GMEB1: variants seen among roughly 807,000 people sequenced by gnomAD.
The protein encoded by GMEB1 is glucocorticoid modulatory element binding protein 1.
GMEB1 carries 6 observed loss-of-function variants against 52.4 expected under a neutral mutation model. The ratio of observed to expected loss-of-function variants is 0.11; its 90% CI spans 0.06 to 0.23. The LOEUF is 0.23. Ranked by LOEUF, GMEB1 falls within the 10% of genes least tolerant of loss-of-function variation. The pLI, the probability that GMEB1 is intolerant of heterozygous loss-of-function variation, is 1.00. For synonymous variants in GMEB1, 255 were observed against 244.9 expected (o/e 1.04, Z -0.38); for missense variants, 486 against 685.6 (o/e 0.71, Z 3.25).
rs1671219480 is a variant in GMEB1, at chr1:28,714,857, A to C, written c.*84A>C. On this transcript the variant is annotated 3_prime_UTR_variant, in exon 10 of 10. Coordinates refer to ENST00000373816, the MANE Select transcript of GMEB1 (RefSeq NM_001319674.2). ...TTTTATCATTGTCCCACTCATTTCC[A>C]CATAGGACCCTTTTTTAAAAAAAAA... 4 of 913,952 alleles carry C rather than the reference A, an allele frequency of 4.4e-6. No homozygotes were observed. Among genetic ancestry groups the C allele is most frequent in the Admixed American group, 5.3e-5 (2 of 38,062 alleles). The allele number at this position is 913,952 out of a possible 1,614,324, so 56.6% of individuals were successfully genotyped here. A position where few individuals can be genotyped will look rare whatever the true frequency, so the allele number is the denominator to read the frequency against.
At chr1:28,683,879 A>G in intron 2 of GMEB1, 139 bp downstream of exon 2, 1 of 717,728 alleles carries the variant, frequency 1.4e-6, no homozygotes, top group Non-Finnish European at 2.3e-6. Flanking sequence ...TGTATAATAT[A>G]CTGTATTGCG....
intron 3 of GMEB1, 36 bp downstream of exon 3, chr1:28,690,222 T>TTG (rs1669896612): frequency 9.9e-7 from 1 of 1,010,090 alleles, no homozygotes; most frequent in African/African-American, 1.7e-5. Context: ...TTTTTTTTTT[T>TTG]TTGTCATTCT....
At chr1:28,687,019 G>A (rs995677904) in intron 2 of GMEB1, among the ~76,000 whole-genome samples, 1 of 151,900 alleles carries the variant, frequency 6.6e-6, no homozygotes, top group African/African-American at 2.4e-5. Flanking sequence ...GGAAAGAAAA[G>A]CATCCTAGAG....
At chr1:28,673,961 C>T (rs751169684) in intron 1 of GMEB1, among the ~76,000 whole-genome samples, 3 of 151,864 alleles carry the variant, frequency 2.0e-5, no homozygotes, top group Non-Finnish European at 4.4e-5. Flanking sequence ...GCCTGGCCAA[C>T]ATGATGAAAC....
At position 28,683,658 on chromosome 1, in the gene GMEB1, G is replaced by A; in HGVS notation, c.46G>A (p.Val16Ile). The change falls in exon 2 of 10, where the codon GTA becomes ATA. Residue 16 changes from valine (V) to isoleucine (I), a missense_variant. Val to Ile is a conservative substitution (Grantham distance 29). Coordinates refer to ENST00000373816, the MANE Select transcript of GMEB1 (RefSeq NM_001319674.2). The stretch of plus-strand genomic sequence containing the variant: ...TGTCCCAGTGGGGGATGTGGTTGTG[G>A]TACCTACTGAAGGAAATGAAGGGGA... ...VSVPVGDVVV[V>I]PTEGNEGENP... is the part of the protein sequence containing the mutation. The A allele has an allele frequency of 6.2e-7, 1 of 1,611,530 alleles. No homozygotes were observed. The highest frequency in any genetic ancestry group is 8.5e-7 in the Non-Finnish European group (1 of 1,178,886).
chr1:28,674,544 G>T (rs1217319701), intron 1 of GMEB1, among the ~76,000 whole-genome samples: 1 of 151,478 alleles, frequency 6.6e-6, no homozygotes, highest in Non-Finnish European at 1.5e-5. Context: ...ACAGACATGG[G>T]CCACCACGCT....
rs553075579 is a variant in GMEB1 at position 28,694,905 on chromosome 1, G to T, written c.440+1860G>T. On this transcript the variant is annotated intron_variant, in intron 5 of 9. Coordinates refer to ENST00000373816, the MANE Select transcript of GMEB1 (RefSeq NM_001319674.2). ...TCTCGAACTCCTGACCTCTTGATCT[G>T]CCCACCTCAGCCTCCCAAAGTGTGG... 2.8e-4 allele frequency among the ~76,000 whole-genome samples: 41 copies of T among 148,278 alleles called. 1 individual carries two copies. Among genetic ancestry groups the T allele is most frequent in the Admixed American group, 8.1e-4 (12 of 14,768 alleles).
chr1:28,703,775 TAGAG>T (rs1670624696), intron 7 of GMEB1, among the ~76,000 whole-genome samples: 1 of 152,160 alleles, frequency 6.6e-6, no homozygotes, highest in Non-Finnish European at 1.5e-5. Flanking sequence ...AGTATAGGAC[TAGAG>T]AGAGTATATC....
intron 2 of GMEB1, among the ~76,000 whole-genome samples, chr1:28,684,687 A>C (rs1483348806): frequency 6.6e-6 from 1 of 152,090 alleles, no homozygotes; most frequent in African/African-American, 2.4e-5. Context: ...GGAGTTAAAC[A>C]ATGAGAACAC....
chr1:28,698,561 G>T lies in GMEB1; in HGVS notation c.598+1477G>T, dbSNP rs1209502149. Among the ~76,000 whole-genome samples the T allele has an allele frequency of 4.6e-5, 7 of 151,640 alleles. No individual in the cohort carries two copies. The East Asian group carries it at 1.4e-3, about 29-fold the overall frequency. On this transcript the variant is annotated intron_variant, in intron 6 of 9. Coordinates refer to ENST00000373816, the MANE Select transcript of GMEB1 (RefSeq NM_001319674.2). ...ATGGTGGCGGGTGCCTGTAGTCCCA[G>T]CTACTCGGGAGGCTGAAGCAGGAGA...
chr1:28,712,995 C>A (rs1336803838), intron 9 of GMEB1, among the ~76,000 whole-genome samples: 4 of 147,328 alleles, frequency 2.7e-5, no homozygotes. Context: ...TACTAAAATA[C>A]AAAAAAAAAA....
intron 8 of GMEB1, among the ~76,000 whole-genome samples, chr1:28,705,021 T>C (rs1268620202): frequency 1.4e-5 from 2 of 147,300 alleles, no homozygotes; most frequent in Non-Finnish European, 3.0e-5. Context: ...AGTTTGATGC[T>C]GCAGTGAGCT....
chr1:28,682,685 A>G (rs1442491839), intron 1 of GMEB1, among the ~76,000 whole-genome samples: 2 of 151,632 alleles, frequency 1.3e-5, no homozygotes, highest in Non-Finnish European at 2.9e-5. Context: ...TTAAGCAACT[A>G]CATGATAAAA....
intron 6 of GMEB1, among the ~76,000 whole-genome samples, chr1:28,701,171 C>T (rs1293532120): frequency 1.3e-5 from 2 of 151,514 alleles, no homozygotes; most frequent in Admixed American, 6.6e-5. Flanking sequence ...ATCTTTTGCC[C>T]GATGATTGAT....
chr1:28,687,584 T>C (rs1421597283), intron 2 of GMEB1, among the ~76,000 whole-genome samples: 1 of 151,994 alleles, frequency 6.6e-6, no homozygotes, highest in African/African-American at 2.4e-5. Flanking sequence ...GATTTGGAGC[T>C]TTATTTTAAC....
At chr1:28,687,352 ACACACACACACACACACACAC>A (rs1669696967) in intron 2 of GMEB1, among the ~76,000 whole-genome samples, 2 of 45,222 alleles carry the variant, frequency 4.4e-5, no homozygotes, top group Non-Finnish European at 9.9e-5. Context: ...ACACACACAC[ACACACACACACACACACACAC>A]ACACACACAC....
intron 6 of GMEB1, among the ~76,000 whole-genome samples, chr1:28,698,117 GCAAC>G (rs1185076472): frequency 6.6e-6 from 1 of 151,792 alleles, no homozygotes; most frequent in Non-Finnish European, 1.5e-5. Flanking sequence ...TCCATCCTGG[GCAAC>G]AGAGTGAGAC....
intron 5 of GMEB1, among the ~76,000 whole-genome samples, chr1:28,695,714 G>A (rs1162254451): frequency 4.7e-5 from 7 of 148,240 alleles, no homozygotes; most frequent in African/African-American, 7.5e-5. Flanking sequence ...CGAGGCGGGC[G>A]GATCACGAGG....
At chr1:28,711,433 C>T (rs1169730376) in intron 9 of GMEB1, among the ~76,000 whole-genome samples, 1 of 151,798 alleles carries the variant, frequency 6.6e-6, no homozygotes, top group Non-Finnish European at 1.5e-5. Flanking sequence ...CTTTTTTTCA[C>T]CATGACATAT....
Sources: gnomAD v4.1 joint callset for allele counts (sites outside exome capture counted in the v4.1 genomes callset) on GRCh38, gnomAD v4.1.1 for gene constraint, MANE v1.5 for transcripts, NCBI Gene and HGNC (gene_info 2026-07-23, HGNC 2026-07-21) for gene names.